The following TTN variants were observed in gnomAD, a reference collection of about 807,000 sequenced individuals.
TTN encodes titin.
A neutral mutation model predicts 3,223.0 loss-of-function variants in TTN; 1,525 were observed. That is an observed-to-expected ratio of 0.47 (90% CI 0.45 to 0.49). TTN has a LOEUF of 0.49. Among genes scored for constraint, TTN ranks in the 20% least tolerant of loss-of-function variants. The pLI is 0.00. For missense variants in TTN, 40,786 were observed against 43,424.0 expected (o/e 0.94, Z 5.40); for synonymous variants, 14,094 against 15,161.0 (o/e 0.93, Z 5.17).
At position 178,545,581 on chromosome 2, in the gene TTN, T is replaced by G. The variant is rs1267672081; in HGVS notation, c.95529A>C (p.Leu31843=). ...SDGGNEISNY[L]VDKREKKSLR... is the part of the protein sequence containing the mutation. ...GGCTCTTCTTCTCACGTTTGTCTAC[T>G]AGGTAGTTGCTGATTTCATTGCCAC... The change falls in exon 344 of 363, where the codon CTA becomes CTC. Residue 31843 remains leucine (L), a synonymous_variant. Transcript: ENST00000589042. 1 of 1,613,788 alleles carries G rather than the reference T, an allele frequency of 6.2e-7. No individual in the cohort carries two copies. Among genetic ancestry groups the G allele is most frequent in the South Asian group, 1.1e-5 (1 of 91,080 alleles).
At chr2:178,781,863 A>G (rs2092790522) in intron 20 of TTN, among the ~76,000 whole-genome samples, 1 of 151,656 alleles carries the variant, frequency 6.6e-6, no homozygotes, top group Admixed American at 6.6e-5. Flanking sequence ...TCACTTAGTT[A>G]TTACATGTTT....
chr2:178,803,335 A>G (rs906814223), intron 2 of TTN, among the ~76,000 whole-genome samples: 1 of 152,114 alleles, frequency 6.6e-6, no homozygotes, highest in African/African-American at 2.4e-5. Context: ...AGATTCCACT[A>G]CTTCTCAAGG....
At position 178,527,658 on chromosome 2, in the gene TTN, A is replaced by G; in HGVS notation, c.107468T>C (p.Met35823Thr). The change falls in exon 362 of 363, where the codon ATG (methionine) becomes ACG (threonine). Residue 35823 changes from methionine (M) to threonine (T), a missense_variant. By Grantham distance (81) the Met-to-Thr change is moderately conservative. Transcript: ENST00000589042. ...GGAGGCCTCCTGCTTGGAGGCAGAC[A>G]TTTGGACTGACTGAGACGAGAAGCT... Reference protein sequence around the residue: ...QGSFSSQSVQMSASKQEASFS... With the variant: ...QGSFSSQSVQTSASKQEASFS... 6.2e-7 allele frequency: 1 copy of G among 1,613,930 alleles called. No individual in the cohort carries two copies. Among genetic ancestry groups the G allele is most frequent in the Non-Finnish European group, 8.5e-7 (1 of 1,179,824 alleles).
intron 50 of TTN, 138 bp downstream of exon 50, chr2:178,735,373 A>G (rs538763955): frequency 1.1e-6 from 1 of 875,188 alleles, no homozygotes; most frequent in Admixed American, 3.5e-5. Context: ...CAATGCCAGG[A>G]CTTTCCCAAA....
rs755897447 is a variant in TTN at position 178,579,023 on chromosome 2, C to A, written c.68007G>T (p.Lys22669Asn). Residue 22669 changes from lysine to asparagine, a missense_variant, in exon 320 of 363, where the codon AAG becomes AAT. Physicochemically the swap from Lys to Asn is moderately conservative, Grantham distance 94. Coordinates refer to ENST00000589042, the MANE Select transcript of TTN (RefSeq NM_001267550.2). ...EAMTLKWAPPKDDGGSEITNY... is the reference protein window; with the variant it reads ...EAMTLKWAPPNDDGGSEITNY... Reference sequence around the variant, plus strand: ...TGGTGATTTCAGAACCTCCATCATCCTTTGGAGGAGCCCACTTTAAGGTCA... The same window carrying A: ...TGGTGATTTCAGAACCTCCATCATCATTTGGAGGAGCCCACTTTAAGGTCA... 4 of 1,613,208 alleles carry A rather than the reference C, an allele frequency of 2.5e-6. No homozygotes were observed. The highest frequency in any genetic ancestry group is 1.1e-5 in the South Asian group (1 of 91,068).
At chr2:178,555,256 C>A (rs533289715) in intron 330 of TTN, 104 bp from the exon 331 acceptor site, 1 of 1,008,316 alleles carries the variant, frequency 9.9e-7, no homozygotes, top group Non-Finnish European at 1.5e-6. Flanking sequence ...TTAAATTATA[C>A]ACACACACCA....
rs1227502652 is a variant in TTN, at chr2:178,533,639, C to T, written c.102976G>A (p.Asp34326Asn). ...YQLTINSVTT[D>N]DDAEYTVVAR... ...ACAACAGTATATTCAGCGTCATCAT[C>T]TGTAGTGACACTGTTGATTGTTAAT... Residue 34326 changes from aspartate to asparagine, a missense_variant, in exon 358 of 363, where the codon GAT (aspartate) becomes AAT (asparagine). Transcript: ENST00000589042. The T allele has an allele frequency of 6.2e-7, 1 of 1,613,866 alleles. No individual in the cohort carries two copies. Among genetic ancestry groups the T allele is most frequent in the African/African-American group, 1.3e-5 (1 of 74,932 alleles).
chr2:178,568,294 A>G lies in TTN; in HGVS notation c.77838T>C (p.Ala25946=), dbSNP rs760001425. 6.8e-6 allele frequency: 11 copies of G among 1,613,466 alleles called. No homozygotes were observed. The South Asian group carries it at 1.1e-4, about 16-fold the overall frequency. The change falls in exon 326 of 363, where the codon GCT becomes GCC. Residue 25946 remains alanine (A), a synonymous_variant. Coordinates refer to ENST00000589042, the MANE Select transcript of TTN (RefSeq NM_001267550.2). The part of the protein sequence containing the change: ...TVWDVVSATV[A]RTTLKVTKLK... ...GTTTGGTCACTTTGAGTGTAGTTCT[A>G]GCAACAGTAGCAGAAACAACATCCC...
In TTN at chr2:178,577,820, C is replaced by T; in HGVS notation, c.68606G>A (p.Gly22869Asp). 1 of 1,611,716 alleles carries T rather than the reference C, an allele frequency of 6.2e-7. No individual in the cohort carries two copies. The highest frequency in any genetic ancestry group is 1.3e-5 in the African/African-American group (1 of 74,950). The change falls in exon 323 of 363, where the codon GGT becomes GAT. Residue 22869 changes from glycine (G) to aspartate (D), a missense_variant. Coordinates refer to ENST00000589042, the MANE Select transcript of TTN (RefSeq NM_001267550.2). ...TATATATCCAGTTAACTTATGACCA[C>T]CGTCATATTTAGGTTCAGTCCAAAT... ...TLIWTEPKYD[G>D]GHKLTGYIVE...
chr2:178,664,212 T>C, intron 168 of TTN, 114 bp from the exon 169 acceptor site: 1 of 1,070,298 alleles, frequency 9.3e-7, no homozygotes, highest in Non-Finnish European at 1.3e-6. Flanking sequence ...AGATCAGTGG[T>C]AACAAGTTCC....
Position 178,532,411 on chromosome 2 carries a change from G to C in TTN, c.104204C>G (p.Thr34735Arg), listed in dbSNP as rs755986938. The C allele has an allele frequency of 6.2e-7, 1 of 1,613,966 alleles. No individual in the cohort carries two copies. Among genetic ancestry groups the C allele is most frequent in the Non-Finnish European group, 8.5e-7 (1 of 1,179,860 alleles). The change falls in exon 358 of 363, where the codon ACG becomes AGG. Residue 34735 changes from threonine (T) to arginine (R), a missense_variant. Transcript: ENST00000589042. ...ATAACTTGTACTAGCTTCAGCCTTC[G>C]TTGGGATGTGATAGGTTGAATACCT... The part of the protein sequence containing the change: ...DFRYSTYHIP[T>R]KAEASTSYAE...
At position 178,599,170 on chromosome 2, in the gene TTN, G is replaced by T; in HGVS notation, c.56623C>A (p.Pro18875Thr). The T allele has an allele frequency of 6.6e-7, 1 of 1,506,152 alleles. No individual in the cohort carries two copies. The highest frequency in any genetic ancestry group is 8.8e-7 in the Non-Finnish European group (1 of 1,131,586). The allele number at this position is 1,506,152 out of a possible 1,614,324, so 93.3% of individuals were successfully genotyped here. ...CAGAAGAGGTTTCTTGCTGTTTCAGGTTCACTGTCAAGAGGTTCTCCAATG... is the reference window on the plus strand; with the variant it reads ...CAGAAGAGGTTTCTTGCTGTTTCAGTTTCACTGTCAAGAGGTTCTCCAATG... ...YGIGEPLDSE[P>T]ETARNLFSVP... is the part of the protein sequence containing the mutation. The change falls in exon 290 of 363, where the codon CCT becomes ACT. Residue 18875 changes from proline to threonine, a missense_variant. Physicochemically the swap from Pro to Thr is conservative, Grantham distance 38 (BLOSUM62 -1). Coordinates refer to ENST00000589042, the MANE Select transcript of TTN (RefSeq NM_001267550.2).
intron 20 of TTN, 113 bp from the exon 21 acceptor site, chr2:178,781,376 C>CAT: frequency 8.3e-7 from 1 of 1,201,768 alleles, no homozygotes; most frequent in Non-Finnish European, 1.2e-6. Flanking sequence ...TGACCCTAAA[C>CAT]ATATGACTAA....
Position 178,669,670 on chromosome 2 carries a change from C to G in TTN, c.35392G>C (p.Glu11798Gln). ...TCTGGGACAATTTTCTTGGGTACTT[C>G]GGGTGCTTTAAAGATATTTATTTAT... ...EPRVPPTKAPEVPKKIVPEEK... is the reference protein window; with the variant it reads ...EPRVPPTKAPQVPKKIVPEEK... The change falls in exon 158 of 363, where the codon GAA (glutamate) becomes CAA (glutamine). Residue 11798 changes from glutamate (E) to glutamine (Q), a missense_variant. Glu to Gln is a conservative substitution (Grantham distance 29). Transcript: ENST00000589042. 6.2e-7 allele frequency: 1 copy of G among 1,612,014 alleles called. No individual in the cohort carries two copies. Among genetic ancestry groups the G allele is most frequent in the Non-Finnish European group, 8.5e-7 (1 of 1,179,430 alleles).
At position 178,598,775 on chromosome 2, in the gene TTN, C is replaced by G; in HGVS notation, c.56935G>C (p.Asp18979His). Reference protein sequence around the residue: ...AGVGPASLPSDPATARDPIAP... With the variant: ...AGVGPASLPSHPATARDPIAP... Reference sequence around the variant, plus strand: ...ATTGGATCTCTAGCAGTCGCTGGGTCTGATGGCAGACTTGCTGGACCCACG... The same window carrying G: ...ATTGGATCTCTAGCAGTCGCTGGGTGTGATGGCAGACTTGCTGGACCCACG... Residue 18979 changes from aspartate to histidine, a missense_variant, in exon 291 of 363, where the codon GAC becomes CAC. Asp to His is a moderately conservative substitution (Grantham distance 81). Coordinates refer to ENST00000589042, the MANE Select transcript of TTN (RefSeq NM_001267550.2). 1 of 1,613,362 alleles carries G rather than the reference C, an allele frequency of 6.2e-7. No individual in the cohort carries two copies. The highest frequency in any genetic ancestry group is 8.5e-7 in the Non-Finnish European group (1 of 1,179,520).
chr2:178,582,830 G>A, intron 313 of TTN, 110 bp downstream of exon 313: 1 of 1,041,780 alleles, frequency 9.6e-7, no homozygotes, highest in Non-Finnish European at 1.3e-6. Context: ...TCTGTGCATA[G>A]GAAATACACA....
intron 43 of TTN, among the ~76,000 whole-genome samples, chr2:178,762,734 A>G (rs2089530088): frequency 6.6e-6 from 1 of 152,194 alleles, no homozygotes; most frequent in Non-Finnish European, 1.5e-5. Context: ...CTTGAACACT[A>G]TCCCTCAAAT....
Position 178,526,959 on chromosome 2 carries a change from A to T in TTN, c.*53T>A. 1 of 1,459,554 alleles carries T rather than the reference A, an allele frequency of 6.9e-7. No homozygotes were observed. Among genetic ancestry groups the T allele is most frequent in the East Asian group, 2.3e-5 (1 of 42,902 alleles). 90.4% of individuals were successfully genotyped at this position (1,459,554 alleles called of 1,614,324 possible). A position where few individuals can be genotyped will look rare whatever the true frequency, so the allele number is the denominator to read the frequency against. On this transcript the variant is annotated 3_prime_UTR_variant, in exon 363 of 363. Transcript: ENST00000589042. ...CAGTTCAGAAAGATTAGTCCGTGTG[A>T]AACGTTTGCGAAAAGTTAAGAATGA...
In TTN at chr2:178,541,576, C is replaced by T; in HGVS notation, c.97501G>A (p.Gly32501Arg). ...AATATCTGTAATGTTTCTGGGGGTC[C>T]AGGAATACCTGCAGCAAGACAGAGG... ...IECRSSIRIP[G>R]PPETLQIFDV... The change falls in exon 350 of 363, where the codon GGA (glycine) becomes AGA (arginine). Residue 32501 changes from glycine (G) to arginine (R), a missense_variant. By Grantham distance (125) the Gly-to-Arg change is moderately radical. Transcript: ENST00000589042. 6.2e-7 allele frequency: 1 copy of T among 1,606,018 alleles called. No homozygotes were observed. Among genetic ancestry groups the T allele is most frequent in the Non-Finnish European group, 8.5e-7 (1 of 1,175,118 alleles).
Sources: allele counts gnomAD v4.1 joint callset (sites outside exome capture counted in the v4.1 genomes callset), GRCh38; gene constraint gnomAD v4.1.1; transcripts MANE v1.5; gene names NCBI Gene and HGNC (gene_info 2026-07-23, HGNC 2026-07-21).